The following UBE2O variants were observed in gnomAD, a reference collection of about 807,000 sequenced individuals.
The protein encoded by UBE2O is (E3-independent) E2 ubiquitin-conjugating enzyme.
In UBE2O, 15 loss-of-function variants were observed where a neutral mutation model predicts 125.8. That is an observed-to-expected ratio of 0.12 (90% CI 0.08 to 0.18). The LOEUF is 0.18. Among genes scored for constraint, UBE2O ranks in the 10% least tolerant of loss-of-function variants. UBE2O has a pLI of 1.00. For synonymous variants in UBE2O, 708 were observed against 703.2 expected (o/e 1.01, Z -0.11); for missense variants, 1,280 against 1,723.6 (o/e 0.74, Z 4.56).
In UBE2O at chr17:76,405,138, C is replaced by T; in HGVS notation, c.588+68G>A. 1.6e-6 allele frequency: 2 copies of T among 1,243,648 alleles called. No individual in the cohort carries two copies. Among genetic ancestry groups the T allele is most frequent in the South Asian group, 1.4e-5 (1 of 72,708 alleles). 77.0% of individuals were successfully genotyped at this position (1,243,648 alleles called of 1,614,324 possible). ...GCAAGAGCACGGAGGAGGCTGTAGCCCAGAGGTCGTGCCGCCGAGAGAACC... is the reference window on the plus strand; with the variant it reads ...GCAAGAGCACGGAGGAGGCTGTAGCTCAGAGGTCGTGCCGCCGAGAGAACC... On this transcript the variant is annotated intron_variant, in intron 3 of 17. Coordinates refer to ENST00000319380, the MANE Select transcript of UBE2O (RefSeq NM_022066.4). The surrounding 1 kb of genome is among the most constrained non-coding windows in gnomAD (Gnocchi z 6.1).
intron 1 of UBE2O, among the ~76,000 whole-genome samples, chr17:76,441,983 C>CTCGT (rs1156753199): frequency 1.3e-5 from 2 of 152,198 alleles, no homozygotes; most frequent in African/African-American, 2.4e-5. Flanking sequence ...AATAGAGAGC[C>CTCGT]TCGTTCGTAC....
chr17:76,423,241 C>T (rs1045746286), intron 1 of UBE2O, among the ~76,000 whole-genome samples: 3 of 151,978 alleles, frequency 2.0e-5, no homozygotes, highest in Admixed American at 6.6e-5. Flanking sequence ...AAGCTGGGCA[C>T]GGTGGTACGC....
In UBE2O at chr17:76,396,481, T is replaced by C. The variant is rs551723203; in HGVS notation, c.2456A>G (p.Lys819Arg). ...KSFRELKEAI[K>R]ILESLKNMTV... ...CATGTTCTTGAGGCTCTCCAGGATCTTGATGGCCTCTTTCAACTCCCGGAA... is the reference window on the plus strand; with the variant it reads ...CATGTTCTTGAGGCTCTCCAGGATCCTGATGGCCTCTTTCAACTCCCGGAA... The change falls in exon 14 of 18, where the codon AAG becomes AGG. Residue 819 changes from lysine to arginine, a missense_variant. By Grantham distance (26) the Lys-to-Arg change is conservative. This residue lies in a region of UBE2O where 210 missense variants were observed against 268.9 expected (regional missense o/e 0.78). Coordinates refer to ENST00000319380, the MANE Select transcript of UBE2O (RefSeq NM_022066.4). This position sits in a 1 kb window ranked among gnomAD's most constrained non-coding sequence, Gnocchi z 6.7. 143 of 1,613,988 alleles carry C rather than the reference T, an allele frequency of 8.9e-5. 1 individual carries two copies. The South Asian group carries it at 9.2e-4, about 10-fold the overall frequency.
chr17:76,407,511 G>A (rs2072445586), intron 1 of UBE2O, among the ~76,000 whole-genome samples: 1 of 152,192 alleles, frequency 6.6e-6, no homozygotes, highest in Admixed American at 6.5e-5. Flanking sequence ...ATGCAAGGGG[G>A]GCTGCACCAT....
intron 1 of UBE2O, among the ~76,000 whole-genome samples, chr17:76,408,126 T>G (rs1232762619): frequency 6.6e-6 from 1 of 152,118 alleles, no homozygotes; most frequent in Non-Finnish European, 1.5e-5. Context: ...TACCCTCCCA[T>G]CTGTGAGCCA....
At chr17:76,425,774 C>T (rs946652142) in intron 1 of UBE2O, among the ~76,000 whole-genome samples, 1 of 152,222 alleles carries the variant, frequency 6.6e-6, no homozygotes, top group Non-Finnish European at 1.5e-5. Flanking sequence ...TAAATATCTT[C>T]AAATTACCTA....
At chr17:76,451,898 G>A (rs2143941548) in intron 1 of UBE2O, among the ~76,000 whole-genome samples, 1 of 152,170 alleles carries the variant, frequency 6.6e-6, no homozygotes, top group Middle Eastern at 3.4e-3. Flanking sequence ...TCTTTGTTTT[G>A]TAAAACTGCT....
chr17:76,420,299 C>CG (rs2072687892), intron 1 of UBE2O, among the ~76,000 whole-genome samples: 1 of 152,026 alleles, frequency 6.6e-6, no homozygotes, highest in African/African-American at 2.4e-5. Context: ...GTTGTTTCCC[C>CG]GGGGGCCAAG....
chr17:76,429,668 T>G (rs1416679155), intron 1 of UBE2O, among the ~76,000 whole-genome samples: 1 of 152,040 alleles, frequency 6.6e-6, no homozygotes, highest in Non-Finnish European at 1.5e-5. Flanking sequence ...AGCTGGCCAC[T>G]GCTGTGAGGA....
At chr17:76,412,072 C>T (rs2072525825) in intron 1 of UBE2O, among the ~76,000 whole-genome samples, 2 of 152,186 alleles carry the variant, frequency 1.3e-5, no homozygotes, top group South Asian at 4.1e-4. Context: ...GCTTCACAGA[C>T]AGCCTGGGAC....
intron 1 of UBE2O, among the ~76,000 whole-genome samples, chr17:76,430,122 A>T (rs1330879080): frequency 6.6e-6 from 1 of 152,104 alleles, no homozygotes; most frequent in Non-Finnish European, 1.5e-5. Flanking sequence ...TTCCGCAGGT[A>T]CCAACATTTC....
rs759874059 is a variant in UBE2O, at chr17:76,396,548, C to T, written c.2389G>A (p.Gly797Arg). The T allele has an allele frequency of 9.3e-6, 15 of 1,611,966 alleles. 1 individual carries two copies. Among genetic ancestry groups the T allele is most frequent in the East Asian group, 6.7e-5 (3 of 44,838 alleles). The change falls in exon 14 of 18, where the codon GGG becomes AGG. Residue 797 changes from glycine to arginine, a missense_variant. Around this residue, in one of 10 missense-constraint regions of UBE2O, gnomAD observed 210 missense variants for 268.9 expected, o/e 0.78. Transcript: ENST00000319380. This position sits in a 1 kb window ranked among gnomAD's most constrained non-coding sequence, Gnocchi z 6.7. ...GAVAMAAPMA[G>R]LMEKAGKDGP... ...TCCTTGCCAGCCTTCTCCATCAGCC[C>T]GGCCATGGGGGCAGCCATGGCCACA...
chr17:76,441,079 C>T (rs2073070167), intron 1 of UBE2O, among the ~76,000 whole-genome samples: 1 of 152,198 alleles, frequency 6.6e-6, no homozygotes, highest in South Asian at 2.1e-4. Flanking sequence ...GAGTTATAAG[C>T]TTTCTCTGGG....
chr17:76,396,287 C>G lies in UBE2O; in HGVS notation c.2650G>C (p.Asp884His). 6.2e-7 allele frequency: 1 copy of G among 1,614,204 alleles called. No individual in the cohort carries two copies. Among genetic ancestry groups the G allele is most frequent in the South Asian group, 1.1e-5 (1 of 91,090 alleles). ...GGCTTGTCCTCCTTGCGCTCTACGTCGGGCACTGCTTCCATCTTCTCCTCC... is the reference window on the plus strand; with the variant it reads ...GGCTTGTCCTCCTTGCGCTCTACGTGGGGCACTGCTTCCATCTTCTCCTCC... ...VEEEKMEAVP[D>H]VERKEDKPEG... Residue 884 changes from aspartate to histidine, a missense_variant, in exon 14 of 18, where the codon GAC becomes CAC. Asp to His is a moderately conservative substitution (Grantham distance 81, BLOSUM62 -1). Coordinates refer to ENST00000319380, the MANE Select transcript of UBE2O (RefSeq NM_022066.4). This position sits in a 1 kb window ranked among gnomAD's most constrained non-coding sequence, Gnocchi z 6.7.
Position 76,400,140 on chromosome 17 carries a change from G to T in UBE2O, c.1155+7C>A. 2 of 1,612,862 alleles carry T rather than the reference G, an allele frequency of 1.2e-6. No homozygotes were observed. The highest frequency in any genetic ancestry group is 1.7e-6 in the Non-Finnish European group (2 of 1,179,308). ...ATGCCCACCAATCCCCAACCCCAAG[G>T]ACATACCTTCTTGGCCATAGAGCCC... On this transcript the variant is annotated splice_region_variant and intron_variant, in intron 8 of 17. Transcript: ENST00000319380. This position sits in a 1 kb window ranked among gnomAD's most constrained non-coding sequence, Gnocchi z 4.3.
intron 1 of UBE2O, among the ~76,000 whole-genome samples, chr17:76,412,769 G>A (rs923044934): frequency 6.6e-6 from 1 of 152,224 alleles, no homozygotes; most frequent in Non-Finnish European, 1.5e-5. Flanking sequence ...CAGTGCTTTG[G>A]AAGGCTGAGG....
chr17:76,437,686 T>C (rs573263715), intron 1 of UBE2O, among the ~76,000 whole-genome samples: 3 of 152,134 alleles, frequency 2.0e-5, no homozygotes, highest in Non-Finnish European at 4.4e-5. Context: ...CCTGAGTAGC[T>C]TGGATTACAG....
intron 1 of UBE2O, among the ~76,000 whole-genome samples, chr17:76,426,701 C>T (rs1382314717): frequency 6.6e-6 from 1 of 152,136 alleles, no homozygotes; most frequent in African/African-American, 2.4e-5. Context: ...AGAGTGTGTT[C>T]ATTCAAATCA....
At position 76,405,571 on chromosome 17, in the gene UBE2O, A is replaced by G; in HGVS notation, c.419T>C (p.Leu140Pro). ...GVKQHVKETK[L>P]KLEDRSVVPR... ...CACCACAGAACGGTCCTCTAGTTTC[A>G]GCTGTAAAAGAAAATACAGGTGTGA... Residue 140 changes from leucine (L) to proline (P), a missense_variant and splice_region_variant, in exon 2 of 18, where the codon CTG becomes CCG. Transcript: ENST00000319380. The surrounding 1 kb of genome is among the most constrained non-coding windows in gnomAD (Gnocchi z 6.1). The G allele has an allele frequency of 6.3e-7, 1 of 1,589,904 alleles. No individual in the cohort carries two copies. The highest frequency in any genetic ancestry group is 8.5e-7 in the Non-Finnish European group (1 of 1,169,688).
Sources: gnomAD v4.1 joint callset for allele counts (sites outside exome capture counted in the v4.1 genomes callset) on GRCh38, gnomAD v4.1.1 for gene constraint, gnomAD v4.1.1 regional missense constraint, Gnocchi (gnomAD v3.1) non-coding constraint, MANE v1.5 for transcripts, NCBI Gene and HGNC (gene_info 2026-07-23, HGNC 2026-07-21) for gene names.